Variants in MAPK10 observed in about 807,000 individuals in gnomAD.
The protein encoded by MAPK10 is mitogen-activated protein kinase 10, also known as JNK3 alpha protein kinase.
A neutral mutation model predicts 59.3 loss-of-function variants in MAPK10; 25 were observed. That is an observed-to-expected ratio of 0.42 (90% CI 0.31 to 0.59). MAPK10 has a LOEUF of 0.59. MAPK10 is among the 20% of genes least tolerant of loss of function. MAPK10 has a pLI of 0.15. For missense variants in MAPK10, 351 were observed against 568.9 expected, an observed-to-expected ratio of 0.62 and a Z score of 3.90; for synonymous variants, 190 against 200.5, an observed-to-expected ratio of 0.95 and a Z score of 0.44.
At chr4:86,255,012 GC>G (rs1238696297) in intron 2 of MAPK10, among the ~76,000 whole-genome samples, 1 of 152,032 alleles carries the variant, frequency 6.6e-6, no homozygotes, top group Non-Finnish European at 1.5e-5. Flanking sequence ...TAACTAATCT[GC>G]TGAATCAGAG....
intron 1 of MAPK10, among the ~76,000 whole-genome samples, chr4:86,571,828 C>CG (rs1167598349): frequency 6.6e-6 from 1 of 151,968 alleles, no homozygotes; most frequent in African/African-American, 2.4e-5. Context: ...CATTATGTAA[C>CG]GAGCCCCTTG....
chr4:86,194,280 A>C, intron 3 of MAPK10, 56 bp downstream of exon 3: 3 of 1,310,680 alleles, frequency 2.3e-6, no homozygotes, highest in Non-Finnish European at 3.3e-6. Flanking sequence ...TGGTATGTCA[A>C]AGTGGAAATA....
chr4:86,179,978 A>T (rs776173788), intron 3 of MAPK10, among the ~76,000 whole-genome samples: 2 of 151,976 alleles, frequency 1.3e-5, no homozygotes, highest in Non-Finnish European at 2.9e-5. Flanking sequence ...CAAAACAAAA[A>T]AAAATGGATT....
intron 1 of MAPK10, among the ~76,000 whole-genome samples, chr4:86,587,390 A>C (rs146844970): frequency 1.3e-5 from 2 of 152,326 alleles, no homozygotes; most frequent in East Asian, 3.9e-4. Flanking sequence ...ACCTGAAGGT[A>C]ATTCTAGTCC....
chr4:86,560,656 A>G (rs1359422337), intron 1 of MAPK10, among the ~76,000 whole-genome samples: 1 of 152,246 alleles, frequency 6.6e-6, no homozygotes, highest in Non-Finnish European at 1.5e-5. Flanking sequence ...GTAGTAATAC[A>G]TTGGCAATTC....
intron 1 of MAPK10, among the ~76,000 whole-genome samples, chr4:86,583,785 C>A (rs1762472832): frequency 6.6e-6 from 1 of 152,138 alleles, no homozygotes; most frequent in Non-Finnish European, 1.5e-5. Context: ...AGTTCATATT[C>A]TGAGAAAAAT....
At chr4:86,585,361 A>T (rs543901777) in intron 1 of MAPK10, among the ~76,000 whole-genome samples, 13 of 152,330 alleles carry the variant, frequency 8.5e-5, no homozygotes, top group African/African-American at 3.1e-4. Flanking sequence ...TAATGGAAGC[A>T]TTCTAAACTC....
chr4:86,232,739 C>T (rs1003993871), intron 2 of MAPK10, among the ~76,000 whole-genome samples: 1 of 152,304 alleles, frequency 6.6e-6, no homozygotes, highest in Non-Finnish European at 1.5e-5. Context: ...TCAATCAAAC[C>T]ACTGACCCAC....
intron 1 of MAPK10, among the ~76,000 whole-genome samples, chr4:86,522,368 C>T (rs74336107): frequency 0.047 from 7,135 of 152,206 alleles, 218 homozygotes; most frequent in African/African-American, 0.059. Flanking sequence ...AATGATGAAA[C>T]GAGGTTGGAG....
intron 1 of MAPK10, among the ~76,000 whole-genome samples, chr4:86,356,043 T>TCA (rs34547847): frequency 0.018 from 2,733 of 149,200 alleles, 58 homozygotes; most frequent in African/African-American, 0.055. Flanking sequence ...TTGTTTTTCT[T>TCA]CACACACACA....
At position 86,223,954 on chromosome 4, in the gene MAPK10, A is replaced by G. The variant is rs557759792; in HGVS notation, c.-6-29547T>C. Among the ~76,000 whole-genome samples, 124 of 152,234 alleles carry G rather than the reference A, an allele frequency of 8.1e-4. 1 individual carries two copies. Among genetic ancestry groups the G allele is most frequent in the Non-Finnish European group, 1.1e-3 (76 of 68,024 alleles). On this transcript the variant is annotated intron_variant, in intron 2 of 13. Coordinates refer to ENST00000641462, the MANE Select transcript of MAPK10 (RefSeq NM_138982.4). ...TCTTGTGGCATGTGTGGCATCATCA[A>G]TCTTGACACCTGAACCAAATTTGTG...
intron 1 of MAPK10, among the ~76,000 whole-genome samples, chr4:86,558,569 G>A (rs369423750): frequency 6.6e-6 from 1 of 152,036 alleles, no homozygotes; most frequent in Non-Finnish European, 1.5e-5. Context: ...TGTTGTTGGC[G>A]TCTTCATTTC....
chr4:86,511,794 AAAGG>A (rs968516808), intron 1 of MAPK10, among the ~76,000 whole-genome samples: 11 of 149,552 alleles, frequency 7.4e-5, no homozygotes, highest in South Asian at 2.2e-4. Flanking sequence ...GAGAAGAAGA[AAAGG>A]AAGGAAGGAA....
intron 1 of MAPK10, among the ~76,000 whole-genome samples, chr4:86,406,636 G>A (rs1010992789): frequency 2.6e-5 from 4 of 152,156 alleles, no homozygotes; most frequent in South Asian, 2.1e-4. Flanking sequence ...CTATTATGCC[G>A]AAATCCTATT....
intron 1 of MAPK10, among the ~76,000 whole-genome samples, chr4:86,440,132 A>G (rs1749237602): frequency 6.6e-6 from 1 of 152,200 alleles, no homozygotes. Flanking sequence ...CAAGATATAG[A>G]CTATATGTGT....
intron 1 of MAPK10, among the ~76,000 whole-genome samples, chr4:86,542,099 G>A (rs1419030695): frequency 1.3e-5 from 2 of 152,048 alleles, no homozygotes; most frequent in Non-Finnish European, 1.5e-5. Context: ...TCTCCATAAT[G>A]AGTATGCATT....
chr4:86,535,517 C>T (rs1412537722), intron 1 of MAPK10, among the ~76,000 whole-genome samples: 5 of 152,134 alleles, frequency 3.3e-5, no homozygotes, highest in Non-Finnish European at 5.9e-5. Context: ...GTAATCATCT[C>T]GCTAATTTTT....
chr4:86,170,026 C>T (rs565706384), intron 3 of MAPK10, among the ~76,000 whole-genome samples: 1 of 151,640 alleles, frequency 6.6e-6, no homozygotes, highest in East Asian at 1.9e-4. Flanking sequence ...ATTTTGTCAC[C>T]ACCAGGCCTG....
At chr4:86,283,371 G>C (rs1307788805) in intron 2 of MAPK10, among the ~76,000 whole-genome samples, 1 of 152,100 alleles carries the variant, frequency 6.6e-6, no homozygotes, top group Admixed American at 6.6e-5. Context: ...AGCAGTGCTG[G>C]GCAGCAGAGA....
Sources: gnomAD v4.1 joint callset for allele counts (sites outside exome capture counted in the v4.1 genomes callset) on GRCh38, gnomAD v4.1.1 for gene constraint, MANE v1.5 for transcripts, NCBI Gene and HGNC (gene_info 2026-07-23, HGNC 2026-07-21) for gene names.